Variants in RNF212B observed in about 807,000 individuals in gnomAD.
The protein encoded by RNF212B is ring finger protein 212B, also known as E3 ubiquitin-protein ligase RNF212B.
A neutral mutation model predicts 55.5 loss-of-function variants in RNF212B; 52 were observed. The ratio of observed to expected loss-of-function variants is 0.94; its 90% CI spans 0.75 to 1.18. The LOEUF (loss-of-function observed/expected upper bound fraction) is 1.18. Among genes scored for constraint, RNF212B ranks in the 50% most tolerant of loss-of-function variants. The pLI is 0.00. For synonymous variants in RNF212B, 99 were observed against 121.4 expected, an observed-to-expected ratio of 0.82 and a Z score of 1.21; for missense variants, 289 against 350.4, an observed-to-expected ratio of 0.82 and a Z score of 1.40.
chr14:23,206,009 C>T (rs1879797881), intron 2 of RNF212B, among the ~76,000 whole-genome samples: 1 of 152,132 alleles, frequency 6.6e-6, no homozygotes, highest in African/African-American at 2.4e-5. Context: ...TAGTACTTTA[C>T]CAGTAATTTT....
At chr14:23,217,171 C>T (rs1881160143) in intron 2 of RNF212B, among the ~76,000 whole-genome samples, 1 of 151,540 alleles carries the variant, frequency 6.6e-6, no homozygotes, top group Non-Finnish European at 1.5e-5. Context: ...CACAAGCTGA[C>T]AGAGAAGCTC....
At chr14:23,269,120 C>G (rs1270147661) in intron 12 of RNF212B, among the ~76,000 whole-genome samples, 157 bp downstream of exon 12, 3 of 152,082 alleles carry the variant, frequency 2.0e-5, no homozygotes, top group Non-Finnish European at 4.4e-5. Context: ...GTATGGCCAA[C>G]ATGGCGAAAC....
intron 2 of RNF212B, among the ~76,000 whole-genome samples, chr14:23,197,268 T>C (rs1566388729): frequency 2.0e-5 from 3 of 152,358 alleles, no homozygotes; most frequent in East Asian, 3.9e-4. Flanking sequence ...GGCTCACGCC[T>C]GTAAGCCCGG....
chr14:23,211,075 G>A (rs1041820312), intron 2 of RNF212B, among the ~76,000 whole-genome samples: 4 of 151,964 alleles, frequency 2.6e-5, no homozygotes, highest in Non-Finnish European at 5.9e-5. Context: ...AAAATTAGCT[G>A]GTCGTGATGG....
At chr14:23,253,470 C>T (rs1439597885) in intron 4 of RNF212B, among the ~76,000 whole-genome samples, 1 of 151,720 alleles carries the variant, frequency 6.6e-6, no homozygotes, top group Non-Finnish European at 1.5e-5. Flanking sequence ...GTTCCTCTGT[C>T]CTCTATTTCT....
intron 1 of RNF212B, among the ~76,000 whole-genome samples, chr14:23,191,508 A>T (rs1878121505): frequency 6.6e-6 from 1 of 152,132 alleles, no homozygotes; most frequent in East Asian, 1.9e-4. Flanking sequence ...TGATGTTGTT[A>T]GTTGGTTTTT....
At chr14:23,236,799 C>T (rs935577273), upstream of RNF212B, among the ~76,000 whole-genome samples, 27 of 151,708 alleles carry the variant, frequency 1.8e-4, no homozygotes, top group African/African-American at 6.3e-4. Flanking sequence ...AGGAAAAGCT[C>T]ATTTGCATGC....
chr14:23,238,534 C>G lies in RNF212B; in HGVS notation c.-2+479C>G, dbSNP rs146571540. On this transcript the variant is annotated intron_variant, in intron 1 of 14. Coordinates refer to ENST00000430154, the MANE Select transcript of RNF212B (RefSeq NM_001282322.3). ...TTTGAGTCCAGGAGTTCCAGACCAGCCTGGGTAACACAGAGAGGCCTTGTC... is the reference window on the plus strand; with the variant it reads ...TTTGAGTCCAGGAGTTCCAGACCAGGCTGGGTAACACAGAGAGGCCTTGTC... Among the ~76,000 whole-genome samples the G allele has an allele frequency of 5.6e-3, 846 of 151,570 alleles. 9 individuals are homozygous for G. Among genetic ancestry groups the G allele is most frequent in the African/African-American group, 0.019 (799 of 41,334 alleles).
chr14:23,188,794 C>T (rs945278354), intron 1 of RNF212B, among the ~76,000 whole-genome samples: 1 of 152,096 alleles, frequency 6.6e-6, no homozygotes, highest in African/African-American at 2.4e-5. Context: ...ATGTAGATGA[C>T]AAGTTCCCTG....
chr14:23,249,628 A>C (rs1456654495), intron 4 of RNF212B, among the ~76,000 whole-genome samples: 1 of 152,204 alleles, frequency 6.6e-6, no homozygotes, highest in Non-Finnish European at 1.5e-5. Context: ...AGTATTTAGG[A>C]CTTCTGAAAC....
rs552698631 is a variant in RNF212B, at chr14:23,201,623, G to A, written c.-2+8222G>A. On this transcript the variant is annotated intron_variant, in intron 2 of 15. Transcript: ENST00000399910. ...CTTTAGGGAATGTAATATCTTAAAG[G>A]AGTAATTAGGTTAGAACAAGACACA... 4.6e-5 allele frequency among the ~76,000 whole-genome samples: 7 copies of A among 152,198 alleles called. 1 individual carries two copies. The East Asian group carries it at 1.2e-3, about 25-fold the overall frequency.
chr14:23,217,228 G>C lies in RNF212B; in HGVS notation c.-1-23117G>C, dbSNP rs533840350. ...GCAGTGGCCTGGCAGAACCACCATA[G>C]ACCAGTGGTGGCAGTGGTGGCAGTG... On this transcript the variant is annotated intron_variant, in intron 2 of 15. Transcript: ENST00000399910. Among the ~76,000 whole-genome samples, 525 of 91,938 alleles carry C rather than the reference G, an allele frequency of 5.7e-3. 5 individuals are homozygous for C. The highest frequency in any genetic ancestry group is 0.02 in the African/African-American group (493 of 24,152). The allele number at this position is 91,938 out of a possible 152,430, so 60.3% of individuals were successfully genotyped here. A position where few individuals can be genotyped will look rare whatever the true frequency, so the allele number is the denominator to read the frequency against.
intron 1 of RNF212B, among the ~76,000 whole-genome samples, chr14:23,239,658 G>A (rs57278320): frequency 0.081 from 12,162 of 150,364 alleles, 648 homozygotes; most frequent in African/African-American, 0.15. Flanking sequence ...TGGCTCTGTC[G>A]CCTAGGCTGG....
rs7155912 is a variant in RNF212B at position 23,253,017 on chromosome 14, A to C, written c.229-5532A>C. ...GACGGTTTATTTTCATGCATCCATC[A>C]CTCCACTTCAACAATTATCAGTGAA... On this transcript the variant is annotated intron_variant, in intron 4 of 14. Transcript: ENST00000430154. Among the ~76,000 whole-genome samples, 991 of 151,994 alleles carry C rather than the reference A, an allele frequency of 6.5e-3. 12 individuals carry two copies. The highest frequency in any genetic ancestry group is 0.023 in the African/African-American group (933 of 41,454).
intron 4 of RNF212B, among the ~76,000 whole-genome samples, chr14:23,247,514 G>T (rs781264353): frequency 1.3e-4 from 19 of 151,946 alleles, no homozygotes; most frequent in Non-Finnish European, 2.2e-4. Flanking sequence ...ATAATGTATG[G>T]TCTTTTGTGA....
intron 2 of RNF212B, among the ~76,000 whole-genome samples, chr14:23,216,591 C>A (rs1881098315): frequency 6.6e-6 from 1 of 151,130 alleles, no homozygotes; most frequent in Non-Finnish European, 1.5e-5. Context: ...AATAATAAGG[C>A]CAATCTGGCT....
upstream of RNF212B, among the ~76,000 whole-genome samples, chr14:23,233,007 G>GCTGTGT (rs1243126362): frequency 1.3e-5 from 2 of 152,238 alleles, no homozygotes; most frequent in Non-Finnish European, 2.9e-5. Flanking sequence ...TCAGATTGTT[G>GCTGTGT]CTGTGTCTGT....
intron 2 of RNF212B, among the ~76,000 whole-genome samples, chr14:23,201,455 T>C (rs1879279234): frequency 6.6e-6 from 1 of 152,214 alleles, no homozygotes; most frequent in South Asian, 2.1e-4. Flanking sequence ...TATATTAGAA[T>C]TATAAGTTTC....
chr14:23,256,152 G>A (rs1420397666), intron 4 of RNF212B, among the ~76,000 whole-genome samples: 1 of 152,100 alleles, frequency 6.6e-6, no homozygotes, highest in African/African-American at 2.4e-5. Flanking sequence ...CTAATCTAGG[G>A]TAGGATTTGG....
Sources: gnomAD v4.1 joint callset for allele counts (sites outside exome capture counted in the v4.1 genomes callset) on GRCh38, gnomAD v4.1.1 for gene constraint, MANE v1.5 for transcripts, NCBI Gene and HGNC (gene_info 2026-07-23, HGNC 2026-07-21) for gene names.